Variants in SV2C observed in about 807,000 individuals in gnomAD.
SV2C encodes the protein solute carrier family 22 member B3.
A neutral mutation model predicts 79.7 loss-of-function variants in SV2C; 49 were observed. That is an observed-to-expected ratio of 0.61 (90% CI 0.49 to 0.78). The LOEUF is 0.78. Among genes scored for constraint, SV2C ranks in the 30% least tolerant of loss-of-function variants. SV2C has a pLI of 0.00. For missense variants in SV2C, 833 were observed against 912.9 expected (o/e 0.91, Z 1.13); for synonymous variants, 334 against 333.2 (o/e 1.00, Z -0.03).
intron 2 of SV2C, among the ~76,000 whole-genome samples, chr5:76,158,227 C>A (rs938333943): frequency 1.3e-4 from 20 of 151,452 alleles, no homozygotes; most frequent in Non-Finnish European, 2.7e-4. Context: ...TTAAACAGTC[C>A]AATCAAAAGG....
rs113439581 is a variant in SV2C at position 76,256,490 on chromosome 5, G to A, written c.914-28672G>A. Among the ~76,000 whole-genome samples the A allele has an allele frequency of 5.3e-4, 81 of 152,290 alleles. 1 individual carries two copies. Among genetic ancestry groups the A allele is most frequent in the African/African-American group, 1.9e-3 (79 of 41,566 alleles). On this transcript the variant is annotated intron_variant, in intron 4 of 12. Transcript: ENST00000502798. ...TGTTGGCTAGGGTTAATCACAAGCC[G>A]CTGTTTCTGAGAACACCCTAGAATG...
the SV2C span, among the ~76,000 whole-genome samples, chr5:76,025,627 GC>G: frequency 1.3e-5 from 2 of 152,080 alleles, no homozygotes; most frequent in Non-Finnish European, 2.9e-5. Context: ...GAGATATTGA[GC>G]CCCTTGATTT....
At chr5:75,970,905 C>A in the SV2C span, among the ~76,000 whole-genome samples, 1 of 152,066 alleles carries the variant, frequency 6.6e-6, no homozygotes, top group Non-Finnish European at 1.5e-5. Flanking sequence ...CCTTGATGAA[C>A]ATTGATGCAA....
the SV2C span, among the ~76,000 whole-genome samples, chr5:75,993,492 C>T: frequency 6.6e-6 from 1 of 152,024 alleles, no homozygotes; most frequent in Non-Finnish European, 1.5e-5. Context: ...ATGCTTTCAC[C>T]TTGGTAAGAA....
Position 76,291,181 on chromosome 5 carries a change from G to C in SV2C, c.1138-40G>C, listed in dbSNP as rs945239323. The C allele has an allele frequency of 6.6e-6, 10 of 1,509,286 alleles. No homozygotes were observed. In the African/African-American group the frequency reaches 1.4e-4, roughly 21 times the overall value. 93.5% of individuals were successfully genotyped at this position (1,509,286 alleles called of 1,614,324 possible). ...TATAACCCTACACTCAGCAACTTCA[G>C]AGAAGGTAACTTAGCGCTTTGGTCT... On this transcript the variant is annotated intron_variant, in intron 6 of 12. Transcript: ENST00000502798.
the SV2C span, among the ~76,000 whole-genome samples, chr5:75,849,204 G>T: frequency 6.6e-6 from 1 of 152,228 alleles, no homozygotes; most frequent in Non-Finnish European, 1.5e-5. Context: ...TAGGAAGACA[G>T]CTGGGAGTAT....
chr5:76,304,043 C>A (rs1413185219), intron 12 of SV2C, among the ~76,000 whole-genome samples: 1 of 152,186 alleles, frequency 6.6e-6, no homozygotes, highest in Non-Finnish European at 1.5e-5. Context: ...CAGGAAGCAG[C>A]CTGCAGTAAT....
At chr5:75,955,174 A>G in the SV2C span, among the ~76,000 whole-genome samples, 2 of 151,572 alleles carry the variant, frequency 1.3e-5, no homozygotes, top group Non-Finnish European at 2.9e-5. Context: ...CCAAAACAAC[A>G]TGGTACTGGT....
chr5:76,351,672 C>T (rs1749644055), intron 12 of SV2C, among the ~76,000 whole-genome samples: 2 of 152,194 alleles, frequency 1.3e-5, no homozygotes, highest in African/African-American at 4.8e-5. Flanking sequence ...GCTGCCTCCA[C>T]TCGAGCTGCT....
intron 12 of SV2C, among the ~76,000 whole-genome samples, chr5:76,342,606 G>A (rs922114633): frequency 6.6e-6 from 1 of 152,216 alleles, no homozygotes; most frequent in African/African-American, 2.4e-5. Flanking sequence ...GAGCAGCACT[G>A]CCAGGAGTTG....
At chr5:76,291,194 A>C in intron 6 of SV2C, 27 bp from the exon 7 acceptor site, 5 of 1,538,446 alleles carry the variant, frequency 3.3e-6, no homozygotes, top group Non-Finnish European at 4.5e-6. Flanking sequence ...AAGGTAACTT[A>C]GCGCTTTGGT....
At chr5:75,981,050 T>C in the SV2C span, among the ~76,000 whole-genome samples, 2 of 152,188 alleles carry the variant, frequency 1.3e-5, no homozygotes, top group Middle Eastern at 6.8e-3. Context: ...AAAATATCAC[T>C]AGCATTCCTA....
intron 1 of SV2C, among the ~76,000 whole-genome samples, chr5:76,121,595 A>T (rs1748499286): frequency 6.7e-6 from 1 of 150,170 alleles, no homozygotes. Context: ...ATGGCTAGCC[A>T]GTTTTCCCAG....
intron 1 of SV2C, among the ~76,000 whole-genome samples, chr5:76,118,898 G>A (rs946033455): frequency 3.3e-5 from 5 of 152,158 alleles, no homozygotes; most frequent in African/African-American, 1.2e-4. Context: ...CACAAGAATC[G>A]CTTGAACCCA....
At chr5:75,930,220 T>G in the SV2C span, among the ~76,000 whole-genome samples, 1 of 152,100 alleles carries the variant, frequency 6.6e-6, no homozygotes, top group Non-Finnish European at 1.5e-5. Flanking sequence ...CTTACTCCCT[T>G]CTTGACATAT....
chr5:75,989,454 G>T, the SV2C span, among the ~76,000 whole-genome samples: 2 of 152,012 alleles, frequency 1.3e-5, no homozygotes, highest in African/African-American at 4.8e-5. Flanking sequence ...CCCTGCAAAG[G>T]ATGTGGTCTT....
the SV2C span, among the ~76,000 whole-genome samples, chr5:76,045,778 C>T: frequency 0.18 from 28,064 of 152,074 alleles, 3,239 homozygotes; most frequent in South Asian, 0.34. Flanking sequence ...GTTTACTTCT[C>T]AATTGACTCT....
At chr5:75,889,561 A>G in the SV2C span, among the ~76,000 whole-genome samples, 1 of 152,062 alleles carries the variant, frequency 6.6e-6, no homozygotes. Flanking sequence ...CAATAAACAT[A>G]TCTGTGCATG....
intron 1 of SV2C, among the ~76,000 whole-genome samples, chr5:76,127,119 G>C (rs1279032147): frequency 6.6e-6 from 1 of 152,192 alleles, no homozygotes; most frequent in African/African-American, 2.4e-5. Context: ...AACATTTGGG[G>C]GAGGCGGAGC....
Sources: gnomAD v4.1 joint callset for allele counts (sites outside exome capture counted in the v4.1 genomes callset) on GRCh38, gnomAD v4.1.1 for gene constraint, MANE v1.5 for transcripts, NCBI Gene and HGNC (gene_info 2026-07-23, HGNC 2026-07-21) for gene names.